Variants in DPH5 observed in about 807,000 individuals in gnomAD.
DPH5 encodes the protein diphthine methyl ester synthase.
A neutral mutation model predicts 31.6 loss-of-function variants in DPH5; 31 were observed. The observed-to-expected ratio is 0.98, with a 90% CI of 0.74 to 1.32. The LOEUF is 1.32. Among genes scored for constraint, DPH5 ranks in the 40% most tolerant of loss-of-function variants. The pLI, the probability that DPH5 is intolerant of heterozygous loss-of-function variation, is 0.00. For synonymous variants in DPH5, 120 were observed against 115.0 expected (o/e 1.04, Z -0.28); for missense variants, 309 against 335.7 (o/e 0.92, Z 0.62).
intron 2 of DPH5, among the ~76,000 whole-genome samples, chr1:101,024,588 T>G (rs1489154980): frequency 6.6e-6 from 1 of 152,232 alleles, no homozygotes; most frequent in African/African-American, 2.4e-5. Flanking sequence ...ATCTGCTCCC[T>G]CCTCCCATAA....
chr1:100,999,491 A>T (rs1658676956), intron 5 of DPH5, among the ~76,000 whole-genome samples: 1 of 152,050 alleles, frequency 6.6e-6, no homozygotes, highest in African/African-American at 2.4e-5. Context: ...TGTTGCTTAA[A>T]ATTAAATATT....
intron 4 of DPH5, among the ~76,000 whole-genome samples, chr1:101,004,458 A>G (rs1659082088): frequency 6.6e-6 from 1 of 152,176 alleles, no homozygotes; most frequent in Non-Finnish European, 1.5e-5. Flanking sequence ...TTTAAAGACT[A>G]AAAAAACAGC....
At chr1:100,996,292 T>A (rs1259510783) in intron 5 of DPH5, 1 of 152,234 alleles carries the variant, frequency 6.6e-6, no homozygotes, top group East Asian at 1.9e-4. Context: ...CACTCTGAGC[T>A]TCTGAAATGT....
chr1:101,017,868 C>G (rs888653742), intron 3 of DPH5, among the ~76,000 whole-genome samples: 1 of 152,140 alleles, frequency 6.6e-6, no homozygotes, highest in Non-Finnish European at 1.5e-5. Context: ...TTTAATATCA[C>G]CTTCAACAGA....
At chr1:101,025,106 T>C (rs960575928) in intron 2 of DPH5, 14 of 602,050 alleles carry the variant, frequency 2.3e-5, no homozygotes, top group Non-Finnish European at 2.5e-5. Context: ...ACTTGTAAAA[T>C]AGGACAAAGC....
At chr1:101,003,341 A>G (rs1659005299) in intron 4 of DPH5, among the ~76,000 whole-genome samples, 2 of 152,184 alleles carry the variant, frequency 1.3e-5, no homozygotes, top group Admixed American at 1.3e-4. Context: ...TTAGCCAACA[A>G]ATACTTATTA....
intron 3 of DPH5, among the ~76,000 whole-genome samples, chr1:101,018,500 A>G (rs1353983522): frequency 2.0e-5 from 3 of 152,006 alleles, no homozygotes; most frequent in Non-Finnish European, 2.9e-5. Context: ...CAGCCTCCCA[A>G]AGTTGCTGGG....
rs1020129583 is a variant in DPH5, at chr1:101,005,836, T to C, written c.370-4249A>G. On this transcript the variant is annotated intron_variant, in intron 4 of 7. Coordinates refer to ENST00000370109, the MANE Select transcript of DPH5 (RefSeq NM_015958.3). ...AGTCATAAACATATATAACATGGCT[T>C]GGCTGTGTCCCCAACCAAATCTCAT... Among the ~76,000 whole-genome samples the C allele has an allele frequency of 4.6e-5, 7 of 152,070 alleles. No individual in the cohort carries two copies. The South Asian group carries it at 1.2e-3, about 27-fold the overall frequency.
intron 5 of DPH5, among the ~76,000 whole-genome samples, chr1:101,000,035 T>C (rs1380946938): frequency 6.6e-6 from 1 of 151,368 alleles, no homozygotes; most frequent in Non-Finnish European, 1.5e-5. Flanking sequence ...TAGTCCTAAC[T>C]ACCCAGGGAG....
chr1:100,993,633 A>T (rs1398042451), intron 6 of DPH5, among the ~76,000 whole-genome samples: 1 of 136,254 alleles, frequency 7.3e-6, no homozygotes, highest in Non-Finnish European at 1.6e-5. Flanking sequence ...CAAATAGATT[A>T]TTTTACTGAC....
intron 6 of DPH5, among the ~76,000 whole-genome samples, chr1:100,994,178 T>C (rs1440118651): frequency 6.6e-6 from 1 of 152,188 alleles, no homozygotes; most frequent in African/African-American, 2.4e-5. Context: ...ACACCTTAAT[T>C]TGGATATTAA....
At chr1:101,018,261 CAG>C in intron 3 of DPH5, among the ~76,000 whole-genome samples, 1 of 140,442 alleles carries the variant, frequency 7.1e-6, no homozygotes, top group African/African-American at 2.7e-5. Context: ...TTTTTTGAGA[CAG>C]AGTCTTGCTC....
At chr1:101,012,932 T>C (rs1225644513) in intron 4 of DPH5, among the ~76,000 whole-genome samples, 1 of 152,202 alleles carries the variant, frequency 6.6e-6, no homozygotes, top group Admixed American at 6.5e-5. Context: ...AATATCTATT[T>C]TTAAATTATG....
rs750728564 is a variant in DPH5 at position 100,990,420 on chromosome 1, G to A, written c.846C>T (p.Ile282=). ...TAAATATCTATGTTCAAAGTCCATT[G>A]ATGCTTTGAGATTCTGAGCTATTTT... ...IPENSSESQS[I]NGL The change falls in exon 8 of 8, where the codon ATC becomes ATT. Residue 282 remains isoleucine (I), a synonymous_variant. Transcript: ENST00000370109. 6.5e-5 allele frequency: 105 copies of A among 1,613,544 alleles called. 2 individuals carry two copies. In the South Asian group the frequency reaches 1.1e-3, roughly 18 times the overall value.
intron 2 of DPH5, chr1:101,024,957 T>G (rs111253861): frequency 3.3e-5 from 7 of 210,154 alleles, no homozygotes; most frequent in African/African-American, 1.6e-4. Flanking sequence ...AACCAACTCA[T>G]TAAGGCTGTG....
chr1:101,003,073 G>A (rs1658988110), intron 4 of DPH5, among the ~76,000 whole-genome samples: 1 of 152,176 alleles, frequency 6.6e-6, no homozygotes, highest in Admixed American at 6.5e-5. Context: ...TTTGAAAGCT[G>A]CCTAAAAACA....
At chr1:101,012,594 CACAGAAATGT>C (rs1659780649) in intron 4 of DPH5, among the ~76,000 whole-genome samples, 1 of 152,176 alleles carries the variant, frequency 6.6e-6, no homozygotes, top group Non-Finnish European at 1.5e-5. Context: ...CTTACTCCAA[CACAGAAATGT>C]TCAGAAGGGT....
At chr1:101,022,916 C>A (rs777071661) in intron 2 of DPH5, 3 of 151,248 alleles carry the variant, frequency 2.0e-5, no homozygotes, top group Non-Finnish European at 4.4e-5. Context: ...AGACCTCGGC[C>A]GGGCGCAGTG....
At position 100,990,339 on chromosome 1, in the gene DPH5, G is replaced by C; in HGVS notation, c.*69C>G. On this transcript the variant is annotated 3_prime_UTR_variant, in exon 8 of 8. Coordinates refer to ENST00000370109, the MANE Select transcript of DPH5 (RefSeq NM_015958.3). Reference sequence around the variant, plus strand: ...AAAATTCAAGATGAGACTTGGGTGGGGATACATCCAAACCATATCAATCCA... The same window carrying C: ...AAAATTCAAGATGAGACTTGGGTGGCGATACATCCAAACCATATCAATCCA... 2 of 1,407,330 alleles carry C rather than the reference G, an allele frequency of 1.4e-6. No homozygotes were observed. The highest frequency in any genetic ancestry group is 2.0e-6 in the Non-Finnish European group (2 of 1,002,268). 87.2% of individuals were successfully genotyped at this position (1,407,330 alleles called of 1,614,324 possible). A position where few individuals can be genotyped will look rare whatever the true frequency, so the allele number is the denominator to read the frequency against.
Sources: allele counts gnomAD v4.1 joint callset (sites outside exome capture counted in the v4.1 genomes callset), GRCh38; gene constraint gnomAD v4.1.1; transcripts MANE v1.5; gene names NCBI Gene and HGNC (gene_info 2026-07-23, HGNC 2026-07-21).